The following TBC1D5 variants were observed in gnomAD, a reference collection of about 807,000 sequenced individuals.
The protein encoded by TBC1D5 is TBC1 domain family member 5.
A neutral mutation model predicts 100.3 loss-of-function variants in TBC1D5; 75 were observed. The observed-to-expected ratio is 0.75, with a 90% confidence interval of 0.62 to 0.91. The LOEUF (loss-of-function observed/expected upper bound fraction) is 0.91, where lower values mean the gene tolerates loss of function less well. Among genes scored for constraint, TBC1D5 ranks in the 40% least tolerant of loss-of-function variants. The probability of loss-of-function intolerance (pLI) is 0.00; values close to 1 mark genes in which losing one functional copy is unlikely to be tolerated. For synonymous variants in TBC1D5, 323 were observed against 325.6 expected (o/e 0.99, Z 0.09); for missense variants, 910 against 942.4 (o/e 0.97, Z 0.45).
chr3:17,512,735 T>C (rs2095927668), intron 2 of TBC1D5, among the ~76,000 whole-genome samples: 1 of 152,214 alleles, frequency 6.6e-6, no homozygotes, highest in Admixed American at 6.5e-5. Context: ...CCTATTCACA[T>C]GAGTTTAAAA....
intron 2 of TBC1D5, among the ~76,000 whole-genome samples, chr3:17,604,711 G>A (rs56030957): frequency 4.6e-5 from 7 of 152,248 alleles, no homozygotes; most frequent in Non-Finnish European, 8.8e-5. Context: ...GACAGAGTCT[G>A]GCTGTGTTGC....
intron 3 of TBC1D5, among the ~76,000 whole-genome samples, chr3:17,470,453 G>T (rs1282070052): frequency 2.6e-5 from 4 of 152,168 alleles, no homozygotes; most frequent in Non-Finnish European, 1.5e-5. Context: ...CTAAGAATTT[G>T]TGTTATTGAG....
At chr3:17,199,507 T>C (rs1159392403) in intron 18 of TBC1D5, among the ~76,000 whole-genome samples, 1 of 152,226 alleles carries the variant, frequency 6.6e-6, no homozygotes, top group Non-Finnish European at 1.5e-5. Flanking sequence ...ATGTAGAGTG[T>C]ACAAATATGC....
intron 1 of TBC1D5, among the ~76,000 whole-genome samples, chr3:17,695,374 T>G (rs996299807): frequency 6.6e-6 from 1 of 151,996 alleles, no homozygotes; most frequent in Non-Finnish European, 1.5e-5. Context: ...ATGACGCACA[T>G]AGGCTAAAAA....
At chr3:17,236,769 C>A (rs1298255506) in intron 17 of TBC1D5, among the ~76,000 whole-genome samples, 2 of 152,134 alleles carry the variant, frequency 1.3e-5, no homozygotes, top group African/African-American at 4.8e-5. Context: ...CGTGAACCAC[C>A]ATGCCCGATA....
chr3:17,720,936 T>C (rs778084663), intron 1 of TBC1D5, among the ~76,000 whole-genome samples: 14 of 151,768 alleles, frequency 9.2e-5, no homozygotes, highest in Non-Finnish European at 1.5e-4. Context: ...GCCTCTTGGG[T>C]TCAAGCGATT....
chr3:17,606,168 A>G (rs114819240), intron 2 of TBC1D5, among the ~76,000 whole-genome samples: 3,439 of 152,290 alleles, frequency 0.023, 112 homozygotes, highest in African/African-American at 0.077. Context: ...GGCTGCGTAC[A>G]GTGGCTCATG....
In TBC1D5 at chr3:17,164,294, G is replaced by C. The variant is rs117283025; in HGVS notation, c.2094+2473C>G. Among the ~76,000 whole-genome samples, 230 of 152,300 alleles carry C rather than the reference G, an allele frequency of 1.5e-3. 6 individuals carry two copies. In the South Asian group the frequency reaches 0.028, roughly 18 times the overall value. On this transcript the variant is annotated intron_variant, in intron 21 of 21. Coordinates refer to ENST00000253692, the Ensembl canonical transcript of TBC1D5. ...CCATGAGCCATGTGTCACTAGGCAG[G>C]GGAGCCTGGCCCTTCTGCACTATCT...
At chr3:17,302,082 G>T (rs1333734403) in intron 14 of TBC1D5, among the ~76,000 whole-genome samples, 1 of 152,162 alleles carries the variant, frequency 6.6e-6, no homozygotes, top group Admixed American at 6.5e-5. Context: ...GTAGGACCAT[G>T]TTCCCTCTGA....
chr3:17,456,262 C>A (rs1650291155), intron 3 of TBC1D5, among the ~76,000 whole-genome samples: 1 of 152,126 alleles, frequency 6.6e-6, no homozygotes, highest in Admixed American at 6.6e-5. Flanking sequence ...GAGTAATACC[C>A]CACAAGCACA....
At chr3:17,354,958 A>C (rs530848815) in intron 13 of TBC1D5, among the ~76,000 whole-genome samples, 1 of 152,194 alleles carries the variant, frequency 6.6e-6, no homozygotes, top group Admixed American at 6.5e-5. Context: ...CAAACCACCC[A>C]ATTGGCTACA....
chr3:17,727,181 G>C (rs2076196724), intron 1 of TBC1D5, among the ~76,000 whole-genome samples: 1 of 152,166 alleles, frequency 6.6e-6, no homozygotes, highest in Non-Finnish European at 1.5e-5. Flanking sequence ...AGGAGTTCGA[G>C]ACCAGCCTGG....
intron 1 of TBC1D5, among the ~76,000 whole-genome samples, chr3:17,735,433 G>C (rs1442750938): frequency 6.6e-6 from 1 of 152,162 alleles, no homozygotes; most frequent in Non-Finnish European, 1.5e-5. Context: ...TATGAGGCTG[G>C]AATGAGGTAT....
intron 3 of TBC1D5, among the ~76,000 whole-genome samples, chr3:17,450,771 A>C (rs1417342489): frequency 6.6e-6 from 1 of 152,212 alleles, no homozygotes; most frequent in Non-Finnish European, 1.5e-5. Context: ...GGTATACCTG[A>C]AAGTGATGGA....
rs1235414620 is a variant in TBC1D5, at chr3:17,380,079, G to GTGTGTGTC, written c.613-3467_613-3466insGACACACA. 1.8e-4 allele frequency among the ~76,000 whole-genome samples: 27 copies of GTGTGTGTC among 147,092 alleles called. No individual in the cohort carries two copies. In the South Asian group the frequency reaches 5.7e-3, roughly 31 times the overall value. On this transcript the variant is annotated intron_variant, in intron 9 of 21. Transcript: ENST00000253692. Reference sequence around the variant, plus strand: ...TGTGTGTGTGTGTGTGTGTGTGTGTGTGTGTGTGTGTATACACATCCAGAT... The same window carrying GTGTGTGTC: ...TGTGTGTGTGTGTGTGTGTGTGTGTGTGTGTGTCTGTGTGTGTGTATACACATCCAGAT...
At chr3:17,625,167 T>C (rs2062950930) in intron 1 of TBC1D5, among the ~76,000 whole-genome samples, 1 of 152,070 alleles carries the variant, frequency 6.6e-6, no homozygotes, top group African/African-American at 2.4e-5. Flanking sequence ...ATATTCCACC[T>C]ATATCCATCA....
At chr3:17,685,934 A>T (rs1294156277) in intron 1 of TBC1D5, among the ~76,000 whole-genome samples, 1 of 152,168 alleles carries the variant, frequency 6.6e-6, no homozygotes, top group East Asian at 1.9e-4. Context: ...ACTAGTGGAC[A>T]ATGTTTTACA....
chr3:17,456,026 T>C (rs2095076667), intron 3 of TBC1D5, among the ~76,000 whole-genome samples: 1 of 152,170 alleles, frequency 6.6e-6, no homozygotes, highest in South Asian at 2.1e-4. Context: ...TTGACAAAGG[T>C]GCCACTAACA....
At chr3:17,395,257 C>T (rs944664921) in intron 8 of TBC1D5, among the ~76,000 whole-genome samples, 16 of 152,052 alleles carry the variant, frequency 1.1e-4, no homozygotes, top group South Asian at 6.2e-4. Flanking sequence ...CACTCCTCCA[C>T]GCCTCCAAAA....
Sources: allele counts gnomAD v4.1 joint callset (sites outside exome capture counted in the v4.1 genomes callset), GRCh38; gene constraint gnomAD v4.1.1; transcripts MANE v1.5; gene names NCBI Gene and HGNC (gene_info 2026-07-23, HGNC 2026-07-21).